LRCH2: variants seen among roughly 807,000 people sequenced by gnomAD.
LRCH2 encodes the protein leucine-rich repeat and calponin homology domain-containing protein 2.
A neutral mutation model predicts 68.9 loss-of-function variants in LRCH2; 38 were observed. The ratio of observed to expected loss-of-function variants is 0.55; its 90% confidence interval spans 0.43 to 0.72. The LOEUF (loss-of-function observed/expected upper bound fraction) is 0.72, where lower values mean the gene tolerates loss of function less well. Among genes scored for constraint, LRCH2 ranks in the 30% least tolerant of loss-of-function variants. LRCH2 has a pLI of 0.00. For missense variants in LRCH2, 528 were observed against 572.9 expected (o/e 0.92, Z 0.80); for synonymous variants, 191 against 208.1 (o/e 0.92, Z 0.71).
chrX:115,205,573 A>G (rs782143936), intron 1 of LRCH2, among the ~76,000 whole-genome samples: 1 of 112,242 alleles, frequency 8.9e-6, no homozygotes, highest in Non-Finnish European at 1.9e-5. Context: ...AGCTGGAGAA[A>G]AGGAGTATGG....
chrX:115,146,906 T>C (rs2495398), intron 14 of LRCH2, among the ~76,000 whole-genome samples: 1,245 of 67,489 alleles, frequency 0.018, 42 homozygotes, highest in African/African-American at 0.067. Context: ...CTTACATACA[T>C]ACACACACAC....
intron 11 of LRCH2, among the ~76,000 whole-genome samples, chrX:115,159,862 A>C (rs1279278505): frequency 4.5e-5 from 5 of 111,451 alleles, no homozygotes; most frequent in African/African-American, 9.8e-5. Context: ...TTCAGACTTT[A>C]AAACCTTATG....
intron 10 of LRCH2, 52 bp from the exon 11 acceptor site, chrX:115,163,835 T>C: frequency 2.3e-6 from 2 of 884,209 alleles, no homozygotes; most frequent in Non-Finnish European, 3.2e-6. Context: ...GACTACATTT[T>C]ATGCCAGCTT....
intron 20 of LRCH2, among the ~76,000 whole-genome samples, chrX:115,117,239 C>T (rs2072090452): frequency 9.0e-6 from 1 of 111,441 alleles, no homozygotes; most frequent in Non-Finnish European, 1.9e-5. Context: ...ACTGCACTGG[C>T]AAGTCAGTAC....
At chrX:115,232,251 G>GA (rs367690522) in intron 1 of LRCH2, among the ~76,000 whole-genome samples, 714 of 43,798 alleles carry the variant, frequency 0.016, 8 homozygotes, top group African/African-American at 0.046. Flanking sequence ...AGAACAATAA[G>GA]AAAAAAAAAA....
intron 20 of LRCH2, among the ~76,000 whole-genome samples, chrX:115,118,910 AC>A (rs2072109262): frequency 9.0e-6 from 1 of 111,633 alleles, no homozygotes; most frequent in African/African-American, 3.3e-5. Flanking sequence ...AGAACCAAAG[AC>A]AAAAACCACA....
chrX:115,213,456 C>T (rs1213647563), intron 1 of LRCH2, among the ~76,000 whole-genome samples: 2 of 111,631 alleles, frequency 1.8e-5, no homozygotes, highest in African/African-American at 6.5e-5. Flanking sequence ...GACTCACAGC[C>T]TTTATCATCC....
intron 14 of LRCH2, among the ~76,000 whole-genome samples, chrX:115,141,480 A>C (rs1211987729): frequency 9.0e-6 from 1 of 111,403 alleles, no homozygotes; most frequent in African/African-American, 3.3e-5. Context: ...CATTCTCTTA[A>C]GTTTCTGATT....
At position 115,190,400 on chromosome X, in the gene LRCH2, C is replaced by T. The variant is rs782429122; in HGVS notation, c.350-2030G>A. The T allele has an allele frequency of 6.5e-5, 76 of 1,162,161 alleles. No homozygotes were observed. In the South Asian group the frequency reaches 8.9e-4, roughly 14 times the overall value. ...GGCGCTGCCCCTGTGTGGGGGACAC[C>T]GCCATCTTATGGAGGAGGATGCCGC... On this transcript the variant is annotated intron_variant, in intron 1 of 20. Transcript: ENST00000317135.
chrX:115,131,070 AATT>A (rs1437742957), intron 14 of LRCH2, among the ~76,000 whole-genome samples: 3 of 110,729 alleles, frequency 2.7e-5, no homozygotes, highest in Non-Finnish European at 5.7e-5. Flanking sequence ...AATTTTTTTA[AATT>A]ATTATTATTT....
chrX:115,178,548 T>A (rs1298876668), intron 5 of LRCH2, among the ~76,000 whole-genome samples: 1 of 111,525 alleles, frequency 9.0e-6, no homozygotes, highest in Non-Finnish European at 1.9e-5. Context: ...TTTCCTCCAA[T>A]ACTCAAGCCA....
Position 115,190,633 on chromosome X carries a change from G to A in LRCH2, c.350-2263C>T, listed in dbSNP as rs12399211. The A allele has an allele frequency of 9.5e-3, 5,468 of 577,913 alleles. 183 individuals carry two copies. In the African/African-American group the frequency reaches 0.19, roughly 21 times the overall value. 47.6% of individuals were successfully genotyped at this position (577,913 alleles called of 1,213,427 possible). A position where few individuals can be genotyped will look rare whatever the true frequency, so the allele number is the denominator to read the frequency against. On this transcript the variant is annotated intron_variant, in intron 1 of 20. Transcript: ENST00000317135. ...CGAGGAGTACAGAGGCCGCTCGCCC[G>A]ACGCCCACAGCGGGGGCCGCAACAG...
chrX:115,115,839 CT>C (rs1337978204), intron 20 of LRCH2, among the ~76,000 whole-genome samples: 1 of 109,124 alleles, frequency 9.2e-6, no homozygotes, highest in East Asian at 2.8e-4. Context: ...ACATAAGGAA[CT>C]ACAACTCAAA....
chrX:115,163,736 T>A lies in LRCH2; in HGVS notation c.1403A>T (p.Lys468Met), dbSNP rs782590228. The A allele has an allele frequency of 8.3e-7, 1 of 1,201,655 alleles. No homozygotes were observed. ...TATTTTCCTCAAATCAGTTACTTCC[T>A]TCAAATCATCATCCTCTTCCTCTGC... The part of the protein sequence containing the change: ...LLAEEEDDDL[K>M]EVTDLRKIAA... The change falls in exon 11 of 21, where the codon AAG becomes ATG. Residue 468 changes from lysine (K) to methionine (M), a missense_variant. By Grantham distance (95) the Lys-to-Met change is moderately conservative. Coordinates refer to ENST00000317135, the MANE Select transcript of LRCH2 (RefSeq NM_020871.4).
At chrX:115,125,484 T>C (rs1367726448) in intron 16 of LRCH2, among the ~76,000 whole-genome samples, 6 of 65 alleles carry the variant, frequency 0.092, no homozygotes, top group African/African-American at 0.094. Context: ...TATATATATA[T>C]ATATATATAT....
intron 1 of LRCH2, among the ~76,000 whole-genome samples, chrX:115,231,033 T>TA (rs1260808001): frequency 9.0e-6 from 1 of 111,115 alleles, no homozygotes; most frequent in Non-Finnish European, 1.9e-5. Flanking sequence ...CATCTTAATG[T>TA]AAAAAAACCT....
At chrX:115,177,941 C>T (rs1163884161) in intron 5 of LRCH2, among the ~76,000 whole-genome samples, 2 of 111,616 alleles carry the variant, frequency 1.8e-5, no homozygotes, top group African/African-American at 6.5e-5. Context: ...TTAATCAAAT[C>T]TAAATAAAAT....
At chrX:115,170,536 C>A in intron 5 of LRCH2, 104 bp from the exon 6 acceptor site, 4 of 738,714 alleles carry the variant, frequency 5.4e-6, no homozygotes, top group Non-Finnish European at 7.2e-6. Flanking sequence ...ACATCACAAT[C>A]TTGATTGATA....
chrX:115,182,968 A>T (rs782220896), intron 3 of LRCH2, among the ~76,000 whole-genome samples: 15 of 110,762 alleles, frequency 1.4e-4, no homozygotes, highest in Non-Finnish European at 2.8e-4. Flanking sequence ...ATGGAAAAAA[A>T]TGATAGAAGC....
Sources: allele counts gnomAD v4.1 joint callset (sites outside exome capture counted in the v4.1 genomes callset), GRCh38; gene constraint gnomAD v4.1.1; transcripts MANE v1.5; gene names NCBI Gene and HGNC (gene_info 2026-07-23, HGNC 2026-07-21).